Variants in PDLIM5 observed in about 807,000 individuals in gnomAD.
PDLIM5 encodes PDZ and LIM domain 5, also known as PDZ and LIM domain protein 5.
A neutral mutation model predicts 64.2 loss-of-function variants in PDLIM5; 34 were observed. The observed-to-expected ratio is 0.53, with a 90% CI of 0.40 to 0.71. The LOEUF is 0.71. Ranked by LOEUF, PDLIM5 falls within the 30% of genes least tolerant of loss-of-function variation. PDLIM5 has a pLI of 0.00. For synonymous variants in PDLIM5, 253 were observed against 269.1 expected, an observed-to-expected ratio of 0.94 and a Z score of 0.59; for missense variants, 683 against 733.6, an observed-to-expected ratio of 0.93 and a Z score of 0.80.
intron 2 of PDLIM5, among the ~76,000 whole-genome samples, chr4:94,472,548 G>A (rs915822767): frequency 7.2e-5 from 11 of 152,324 alleles, no homozygotes; most frequent in Non-Finnish European, 1.3e-4. Flanking sequence ...GATGAACTAA[G>A]CAATGTACCT....
chr4:94,573,786 A>G (rs1044019221), intron 4 of PDLIM5: 2 of 190,754 alleles, frequency 1.0e-5, no homozygotes, highest in Non-Finnish European at 2.2e-5. Context: ...ATTTCAGAGT[A>G]TTCTTAGGTT....
intron 7 of PDLIM5, among the ~76,000 whole-genome samples, chr4:94,590,315 T>C (rs1736578795): frequency 6.6e-6 from 1 of 152,164 alleles, no homozygotes; most frequent in Non-Finnish European, 1.5e-5. Flanking sequence ...TTCAAAAATA[T>C]AGAATGAATT....
intron 3 of PDLIM5, among the ~76,000 whole-genome samples, chr4:94,572,223 G>T (rs1056323893): frequency 1.3e-5 from 2 of 152,146 alleles, no homozygotes; most frequent in African/African-American, 2.4e-5. Flanking sequence ...TTCTGTGCTT[G>T]GTGTGTTATC....
chr4:94,555,873 G>T (rs1733253741), intron 3 of PDLIM5, among the ~76,000 whole-genome samples: 2 of 151,000 alleles, frequency 1.3e-5, no homozygotes, highest in African/African-American at 4.9e-5. Context: ...ATTAACTTGG[G>T]CAAGTTTATT....
intron 11 of PDLIM5, among the ~76,000 whole-genome samples, chr4:94,661,933 G>A (rs1742755889): frequency 6.6e-6 from 1 of 151,676 alleles, no homozygotes; most frequent in Admixed American, 6.6e-5. Flanking sequence ...CAATTTTCGT[G>A]CCTCAGCCTC....
intron 2 of PDLIM5, among the ~76,000 whole-genome samples, chr4:94,475,602 C>T (rs973526905): frequency 6.6e-6 from 1 of 151,930 alleles, no homozygotes; most frequent in African/African-American, 2.4e-5. Flanking sequence ...ATGGTGATTA[C>T]CAGGGTTAAG....
intron 2 of PDLIM5, among the ~76,000 whole-genome samples, chr4:94,505,777 G>A (rs1167255017): frequency 1.3e-5 from 2 of 152,182 alleles, no homozygotes; most frequent in African/African-American, 2.4e-5. Context: ...GGGGAACAGC[G>A]CTTCTATGCC....
rs531113860 is a variant in PDLIM5 at position 94,667,371 on chromosome 4, A to G, written c.*3304A>G. On this transcript the variant is annotated 3_prime_UTR_variant, in exon 13 of 13. Transcript: ENST00000317968. ...CACTGTGGGTCAAAAATATTTGGGG[A>G]AAAAAATGGATGGTTGCGCCTTTGC... 3.6e-4 allele frequency: 55 copies of G among 152,304 alleles called. No homozygotes were observed. Among genetic ancestry groups the G allele is most frequent in the Admixed American group, 1.3e-3 (20 of 15,284 alleles). 9.4% of individuals were successfully genotyped at this position (152,304 alleles called of 1,614,324 possible).
In PDLIM5 at chr4:94,667,809, G is replaced by T. The variant is rs1319102992; in HGVS notation, c.*3742G>T. The T allele has an allele frequency of 6.6e-6, 1 of 151,930 alleles. No homozygotes were observed. The highest frequency in any genetic ancestry group is 1.5e-5 in the Non-Finnish European group (1 of 68,000). 9.4% of individuals were successfully genotyped at this position (151,930 alleles called of 1,614,324 possible). On this transcript the variant is annotated 3_prime_UTR_variant, in exon 13 of 13. Transcript: ENST00000317968. ...AACAAAAATGTACCATTTTCAAGCA[G>T]TACTACATTAGGAGCCCTTTTATAG...
chr4:94,578,268 A>G (rs1735449638), intron 5 of PDLIM5, among the ~76,000 whole-genome samples: 1 of 152,196 alleles, frequency 6.6e-6, no homozygotes, highest in Non-Finnish European at 1.5e-5. Flanking sequence ...GAAATGATTT[A>G]AAGCTTATTA....
intron 2 of PDLIM5, among the ~76,000 whole-genome samples, chr4:94,463,193 C>G (rs529370051): frequency 2.0e-5 from 3 of 152,118 alleles, no homozygotes; most frequent in African/African-American, 7.2e-5. Flanking sequence ...TTAATAGATT[C>G]AAAGTTGTTA....
At chr4:94,621,088 A>C (rs1423840574) in intron 8 of PDLIM5, among the ~76,000 whole-genome samples, 1 of 146,896 alleles carries the variant, frequency 6.8e-6, no homozygotes, top group African/African-American at 2.7e-5. Flanking sequence ...AAAAAAAAAA[A>C]AAAAAAAAAA....
rs182717621 is a variant in PDLIM5, at chr4:94,547,394, C to T, written c.248+23519C>T. ...GCATTGTTTTTGTCTTCAAAGGCAA[C>T]AGTGACTAAGGGGTCTGTCTCACAT... is the stretch of plus-strand genomic sequence containing the variant. On this transcript the variant is annotated intron_variant, in intron 3 of 12. Transcript: ENST00000317968. 2.1e-3 allele frequency among the ~76,000 whole-genome samples: 323 copies of T among 152,282 alleles called. 2 individuals carry two copies. Among genetic ancestry groups the T allele is most frequent in the African/African-American group, 7.0e-3 (291 of 41,562 alleles).
intron 3 of PDLIM5, among the ~76,000 whole-genome samples, chr4:94,531,455 A>G (rs1578320238): frequency 6.6e-6 from 1 of 152,298 alleles, no homozygotes; most frequent in East Asian, 1.9e-4. Context: ...TCCTTGGGCC[A>G]CGTTGGAAGA....
At chr4:94,558,727 G>A (rs1046208878) in intron 3 of PDLIM5, among the ~76,000 whole-genome samples, 1 of 150,078 alleles carries the variant, frequency 6.7e-6, no homozygotes, top group Non-Finnish European at 1.5e-5. Context: ...GGTTTTTCTT[G>A]TTGCTTTTTT....
intron 2 of PDLIM5, among the ~76,000 whole-genome samples, chr4:94,488,875 G>A (rs1205617001): frequency 6.6e-6 from 1 of 152,216 alleles, no homozygotes; most frequent in Non-Finnish European, 1.5e-5. Flanking sequence ...TAAAGCAAAT[G>A]CCGTAAAGGA....
At chr4:94,566,107 G>A (rs1356234052) in intron 3 of PDLIM5, among the ~76,000 whole-genome samples, 1 of 152,080 alleles carries the variant, frequency 6.6e-6, no homozygotes, top group Non-Finnish European at 1.5e-5. Context: ...TCTCTTTGAT[G>A]TTATTCCAGA....
At chr4:94,626,890 T>A (rs1739740954) in intron 8 of PDLIM5, among the ~76,000 whole-genome samples, 1 of 152,122 alleles carries the variant, frequency 6.6e-6, no homozygotes, top group South Asian at 2.1e-4. Flanking sequence ...TGGATATAAA[T>A]TCTATCTTTT....
intron 7 of PDLIM5, among the ~76,000 whole-genome samples, chr4:94,601,108 T>C (rs1194351090): frequency 1.3e-5 from 2 of 152,212 alleles, no homozygotes; most frequent in East Asian, 1.9e-4. Context: ...ATCAAGCTGC[T>C]AGAACAAAAA....
Sources: allele counts gnomAD v4.1 joint callset (sites outside exome capture counted in the v4.1 genomes callset), GRCh38; gene constraint gnomAD v4.1.1; transcripts MANE v1.5; gene names NCBI Gene and HGNC (gene_info 2026-07-23, HGNC 2026-07-21).